RBFOX1: variants seen among roughly 807,000 people sequenced by gnomAD.
The protein encoded by RBFOX1 is RNA binding fox-1 homolog 1.
A neutral mutation model predicts 57.7 loss-of-function variants in RBFOX1; 8 were observed. The ratio of observed to expected loss-of-function variants is 0.14; its 90% CI spans 0.08 to 0.25. RBFOX1 has a LOEUF of 0.25. Among genes scored for constraint, RBFOX1 ranks in the 10% least tolerant of loss-of-function variants. RBFOX1 has a pLI of 1.00. For synonymous variants in RBFOX1, 326 were observed against 222.4 expected (o/e 1.47, Z -4.15); for missense variants, 611 against 548.5 (o/e 1.11, Z -1.14).
At chr16:5,394,896 G>A (rs1032934485) in intron 1 of RBFOX1, among the ~76,000 whole-genome samples, 11 of 151,982 alleles carry the variant, frequency 7.2e-5, no homozygotes, top group Non-Finnish European at 1.6e-4. Context: ...TCTCTTGCTA[G>A]GACTGAAGTG....
intron 4 of RBFOX1, among the ~76,000 whole-genome samples, chr16:7,509,424 G>C (rs79456229): frequency 6.9e-6 from 1 of 144,380 alleles, no homozygotes; most frequent in Non-Finnish European, 1.6e-5. Flanking sequence ...GTGTGTGTGT[G>C]TGTGTGTCTG....
chr16:7,195,621 G>T (rs1037662449), intron 4 of RBFOX1, among the ~76,000 whole-genome samples: 1 of 152,106 alleles, frequency 6.6e-6, no homozygotes, highest in Non-Finnish European at 1.5e-5. Flanking sequence ...GCAGTGGTGG[G>T]ATCTCAACTC....
At chr16:6,293,404 C>G (rs1015475040) in intron 1 of RBFOX1, among the ~76,000 whole-genome samples, 1 of 151,940 alleles carries the variant, frequency 6.6e-6, no homozygotes, top group Non-Finnish European at 1.5e-5. Context: ...TCAAATATTC[C>G]TATCGCTCTG....
chr16:5,464,962 A>C (rs928041394), intron 1 of RBFOX1, among the ~76,000 whole-genome samples: 2 of 152,224 alleles, frequency 1.3e-5, no homozygotes, highest in Non-Finnish European at 2.9e-5. Context: ...GCAGAGACCC[A>C]CCTGAGCTGA....
At position 5,495,624 on chromosome 16, in the gene RBFOX1, C is replaced by T. The variant is rs745667933; in HGVS notation, c.258+28370C>T. On this transcript the variant is annotated intron_variant, in intron 2 of 2. Coordinates refer to the RBFOX1 transcript ENST00000585867. ...TGTGGGCCAAGCTGGCTAAGACCAA[C>T]GGGACCCAACATGGTGCTGGATTTG... Among the ~76,000 whole-genome samples the T allele has an allele frequency of 6.4e-4, 97 of 152,180 alleles. 1 individual carries two copies. The highest frequency in any genetic ancestry group is 1.2e-3 in the Non-Finnish European group (84 of 68,038).
chr16:6,124,561 G>A (rs2096575217), intron 1 of RBFOX1, among the ~76,000 whole-genome samples: 1 of 152,178 alleles, frequency 6.6e-6, no homozygotes, highest in Non-Finnish European at 1.5e-5. Context: ...GGGGTGCAGT[G>A]GCATAATCTC....
At position 7,259,614 on chromosome 16, in the gene RBFOX1, C is replaced by T. The variant is rs977955355; in HGVS notation, c.27+207516C>T. 2.6e-5 allele frequency among the ~76,000 whole-genome samples: 4 copies of T among 152,054 alleles called. No individual in the cohort carries two copies. The South Asian group carries it at 8.3e-4, about 32-fold the overall frequency. On this transcript the variant is annotated intron_variant, in intron 4 of 15. Coordinates refer to ENST00000550418, the MANE Select transcript of RBFOX1 (RefSeq NM_018723.4). ...AGTAGTTTAAACTCCAACACTTTCT[C>T]TGTATTTTTTATTATTTCTAATAAA...
chr16:6,138,866 C>T lies in RBFOX1; in HGVS notation c.-127+118874C>T, dbSNP rs143001992. Among the ~76,000 whole-genome samples the T allele has an allele frequency of 1.8e-3, 275 of 152,144 alleles. 1 individual carries two copies. The highest frequency in any genetic ancestry group is 5.9e-3 in the African/African-American group (247 of 41,514). On this transcript the variant is annotated intron_variant, in intron 1 of 15. Coordinates refer to ENST00000550418, the MANE Select transcript of RBFOX1 (RefSeq NM_018723.4). ...TGGGCGACAGAGTGAGGCTCCGTCT[C>T]AAATAAATAAATACGTAAAAGAGCA...
chr16:5,609,539 A>G (rs1031344569), intron 3 of RBFOX1, among the ~76,000 whole-genome samples: 3 of 152,138 alleles, frequency 2.0e-5, no homozygotes, highest in Non-Finnish European at 4.4e-5. Context: ...GCAGGTGTCA[A>G]GCATGTAGAG....
chr16:7,388,102 A>G (rs1481809649), intron 4 of RBFOX1, among the ~76,000 whole-genome samples: 2 of 152,138 alleles, frequency 1.3e-5, no homozygotes, highest in African/African-American at 2.4e-5. Context: ...GATCAAGATC[A>G]TATAAACATA....
intron 3 of RBFOX1, chr16:5,610,267 A>T (rs565706083): frequency 1.3e-5 from 2 of 152,364 alleles, no homozygotes; most frequent in East Asian, 3.9e-4. Flanking sequence ...ACTTGTTGAA[A>T]GACTAGTGAG....
chr16:5,434,085 T>C (rs2067838089), intron 1 of RBFOX1, among the ~76,000 whole-genome samples: 1 of 152,292 alleles, frequency 6.6e-6, no homozygotes. Flanking sequence ...AACTCTCAGC[T>C]GACTGTAATC....
At chr16:7,562,218 A>G (rs1207051527) in intron 5 of RBFOX1, among the ~76,000 whole-genome samples, 1 of 152,206 alleles carries the variant, frequency 6.6e-6, no homozygotes, top group African/African-American at 2.4e-5. Flanking sequence ...AGAGCTGTGT[A>G]CCTGCTTTTT....
chr16:7,671,144 T>A (rs886978293), intron 13 of RBFOX1, among the ~76,000 whole-genome samples: 9 of 152,240 alleles, frequency 5.9e-5, no homozygotes, highest in African/African-American at 2.2e-4. Context: ...GCTGTTTTCT[T>A]AACTACTTCA....
At chr16:5,421,471 C>T (rs1241864258) in intron 1 of RBFOX1, among the ~76,000 whole-genome samples, 1 of 152,150 alleles carries the variant, frequency 6.6e-6, no homozygotes, top group Non-Finnish European at 1.5e-5. Flanking sequence ...TTTGACTTTT[C>T]CAGTTCCAGT....
intron 3 of RBFOX1, among the ~76,000 whole-genome samples, chr16:6,794,204 G>A (rs1285967611): frequency 6.6e-6 from 1 of 151,906 alleles, no homozygotes; most frequent in Non-Finnish European, 1.5e-5. Flanking sequence ...GGATTACTGG[G>A]AGAAGGCTTG....
chr16:5,947,477 C>A lies in RBFOX1; in HGVS notation c.351+80142C>A, dbSNP rs998437071. Among the ~76,000 whole-genome samples, 7 of 152,092 alleles carry A rather than the reference C, an allele frequency of 4.6e-5. No individual in the cohort carries two copies. Among genetic ancestry groups the A allele is most frequent in the Non-Finnish European group, 8.8e-5 (6 of 68,026 alleles). On this transcript the variant is annotated intron_variant, in intron 4 of 19. Coordinates refer to the RBFOX1 transcript ENST00000641259. This position sits in a 1 kb window ranked among gnomAD's most constrained non-coding sequence, Gnocchi z 7.2. ...CGAAATCTTGTGCTCAAGCCATTTT[C>A]CTGCCTCTGCCAGTTTTTAAAATTT... is the stretch of plus-strand genomic sequence containing the variant.
At chr16:5,383,618 T>A (rs1323550913) in intron 1 of RBFOX1, among the ~76,000 whole-genome samples, 1 of 152,246 alleles carries the variant, frequency 6.6e-6, no homozygotes, top group African/African-American at 2.4e-5. Flanking sequence ...TAGGATCAAC[T>A]GAGCAGGTGC....
At chr16:6,898,967 G>A (rs1012928852) in intron 3 of RBFOX1, among the ~76,000 whole-genome samples, 1 of 151,468 alleles carries the variant, frequency 6.6e-6, no homozygotes, top group Admixed American at 6.6e-5. Context: ...TTGTGTATGT[G>A]TATGATGTGT....
Sources: gnomAD v4.1 joint callset for allele counts (sites outside exome capture counted in the v4.1 genomes callset) on GRCh38, gnomAD v4.1.1 for gene constraint, Gnocchi (gnomAD v3.1) non-coding constraint, MANE v1.5 for transcripts, NCBI Gene and HGNC (gene_info 2026-07-23, HGNC 2026-07-21) for gene names.